Variants in SEPHS1 observed in about 807,000 individuals in gnomAD.
SEPHS1 encodes the protein zincore component SEPHS1.
Under a neutral mutation model 39.2 loss-of-function variants are expected in SEPHS1, and 7 were observed. The observed-to-expected ratio is 0.18, with a 90% CI of 0.10 to 0.34. SEPHS1 has a LOEUF of 0.34. SEPHS1 is among the 10% of genes least tolerant of loss of function. SEPHS1 has a pLI of 1.00. For synonymous variants in SEPHS1, 190 were observed against 195.5 expected (o/e 0.97, Z 0.23); for missense variants, 253 against 514.5 (o/e 0.49, Z 4.92).
At chr10:13,322,143 CTTT>C (rs56709546) in intron 8 of SEPHS1, 3,351 of 311,776 alleles carry the variant, frequency 0.011, no homozygotes, top group South Asian at 0.017. Context: ...ATTCTCTTTT[CTTT>C]TTTTTTTTTT....
chr10:13,326,629 T>C (rs1022618560), intron 7 of SEPHS1, among the ~76,000 whole-genome samples: 4 of 151,462 alleles, frequency 2.6e-5, no homozygotes, highest in African/African-American at 9.7e-5. Context: ...CTCACTGCAG[T>C]CTCAACATCC....
intron 8 of SEPHS1, among the ~76,000 whole-genome samples, chr10:13,321,838 G>A (rs1471559351): frequency 1.3e-5 from 2 of 152,178 alleles, no homozygotes; most frequent in Admixed American, 6.5e-5. Context: ...ATGATGAAGA[G>A]GAGGACGTCC....
intron 8 of SEPHS1, among the ~76,000 whole-genome samples, chr10:13,320,596 T>G (rs1833080046): frequency 6.6e-6 from 1 of 151,594 alleles, no homozygotes; most frequent in Admixed American, 6.6e-5. Flanking sequence ...TCCCAGCACT[T>G]TGGGAGGCCG....
At chr10:13,321,745 C>T (rs1196218918) in intron 8 of SEPHS1, among the ~76,000 whole-genome samples, 2 of 152,182 alleles carry the variant, frequency 1.3e-5, no homozygotes, top group African/African-American at 2.4e-5. Context: ...GCTGGGGCTG[C>T]GGGAGTGGGA....
At chr10:13,321,143 C>T (rs1833100662) in intron 8 of SEPHS1, among the ~76,000 whole-genome samples, 2 of 152,200 alleles carry the variant, frequency 1.3e-5, no homozygotes, top group African/African-American at 2.4e-5. Flanking sequence ...GTCCCTTGCC[C>T]CGGCCTACTA....
At chr10:13,347,859 G>T in intron 1 of SEPHS1, 141 bp downstream of exon 1, 1 of 144,238 alleles carries the variant, frequency 6.9e-6, no homozygotes, top group South Asian at 2.0e-4. Flanking sequence ...TCTCCAGGCA[G>T]GGCTGGCGGG....
Position 13,318,076 on chromosome 10 carries a change from G to A in SEPHS1, c.*1066C>T, listed in dbSNP as rs1564439130. 1.3e-5 allele frequency: 2 copies of A among 152,180 alleles called. No individual in the cohort carries two copies. Among genetic ancestry groups the A allele is most frequent in the South Asian group, 4.1e-4 (2 of 4,826 alleles). 9.4% of individuals were successfully genotyped at this position (152,180 alleles called of 1,614,324 possible). A position where few individuals can be genotyped will look rare whatever the true frequency, so the allele number is the denominator to read the frequency against. On this transcript the variant is annotated 3_prime_UTR_variant, in exon 9 of 9. Transcript: ENST00000327347. ...AAAAGGGGCATCTGATTATACAAGAGCAATTTAAAAAATTAAATATTTATT... is the reference window on the plus strand; with the variant it reads ...AAAAGGGGCATCTGATTATACAAGAACAATTTAAAAAATTAAATATTTATT...
At chr10:13,333,721 T>C (rs1833537819) in intron 5 of SEPHS1, 96 bp downstream of exon 5, 1 of 1,281,038 alleles carries the variant, frequency 7.8e-7, no homozygotes, top group East Asian at 2.5e-5. Flanking sequence ...ATCATATGTG[T>C]GAGCCACTGC....
intron 8 of SEPHS1, among the ~76,000 whole-genome samples, chr10:13,321,468 G>GA (rs1364700186): frequency 6.6e-6 from 1 of 152,010 alleles, no homozygotes; most frequent in East Asian, 1.9e-4. Flanking sequence ...GGCTGGTCTC[G>GA]AACTCCTGAC....
intron 7 of SEPHS1, among the ~76,000 whole-genome samples, chr10:13,325,916 AAAAAAAAAAAAAAAAAAGAGAC>A (rs1564444499): frequency 3.3e-4 from 24 of 73,812 alleles, no homozygotes; most frequent in African/African-American, 2.4e-3. Flanking sequence ...AAAAAAAAAA[AAAAAAAAAAAAAAAAAAGAGAC>A]TCAGTCTCAA....
chr10:13,338,591 G>A (rs1303847599), intron 3 of SEPHS1, 114 bp downstream of exon 3: 9 of 779,526 alleles, frequency 1.2e-5, no homozygotes, highest in Admixed American at 4.4e-5. Flanking sequence ...CAGTATAGTC[G>A]GGATATAACA....
intron 2 of SEPHS1, among the ~76,000 whole-genome samples, chr10:13,341,213 A>G (rs2130691341): frequency 6.6e-6 from 1 of 152,262 alleles, no homozygotes; most frequent in East Asian, 1.9e-4. Context: ...AGATGCCCAC[A>G]GGCCTTGAAA....
chr10:13,346,646 GT>G (rs34626058), intron 1 of SEPHS1, among the ~76,000 whole-genome samples: 92,439 of 151,470 alleles, frequency 0.61, 28,655 homozygotes, highest in African/African-American at 0.71. Flanking sequence ...CTTGGAAGGC[GT>G]TTTCAACAAA....
intron 8 of SEPHS1, chr10:13,322,018 C>T (rs1396163153): frequency 8.8e-6 from 4 of 454,626 alleles, no homozygotes; most frequent in Non-Finnish European, 4.4e-6. Context: ...CTTGCTCCAT[C>T]TCCCGTTTAT....
chr10:13,334,045 T>TA (rs772523200), intron 4 of SEPHS1, 74 bp from the exon 5 acceptor site: 314 of 1,312,376 alleles, frequency 2.4e-4, no homozygotes, highest in East Asian at 3.5e-4. Flanking sequence ...TTTTTACACT[T>TA]ACAGTTATAA....
intron 7 of SEPHS1, among the ~76,000 whole-genome samples, chr10:13,323,692 G>A (rs1420818430): frequency 6.6e-6 from 1 of 151,862 alleles, no homozygotes; most frequent in Non-Finnish European, 1.5e-5. Context: ...TCAGTATCAA[G>A]GTACTCCCGC....
chr10:13,320,343 G>A (rs1285913232), intron 8 of SEPHS1, among the ~76,000 whole-genome samples: 8 of 151,610 alleles, frequency 5.3e-5, no homozygotes, highest in South Asian at 2.1e-4. Flanking sequence ...CACCACACCC[G>A]GCTAATTTTT....
chr10:13,347,857 C>G (rs1283908790), intron 1 of SEPHS1, 143 bp downstream of exon 1: 1 of 145,318 alleles, frequency 6.9e-6, no homozygotes, highest in Non-Finnish European at 1.5e-5. Context: ...CCTCTCCAGG[C>G]AGGGCTGGCG....
chr10:13,332,818 G>A (rs916599164), intron 5 of SEPHS1, among the ~76,000 whole-genome samples: 1 of 151,478 alleles, frequency 6.6e-6, no homozygotes, highest in Non-Finnish European at 1.5e-5. Context: ...ACTCCAGCCT[G>A]GGCGACGGAG....
Sources: gnomAD v4.1 joint callset for allele counts (sites outside exome capture counted in the v4.1 genomes callset) on GRCh38, gnomAD v4.1.1 for gene constraint, MANE v1.5 for transcripts, NCBI Gene and HGNC (gene_info 2026-07-23, HGNC 2026-07-21) for gene names.